FGF13: variants seen among roughly 807,000 people sequenced by gnomAD.
FGF13 encodes the protein fibroblast growth factor 13, also known as fibroblast growth factor homologous factor 2.
In FGF13, 2 loss-of-function variants were observed where a neutral mutation model predicts 19.5. The ratio of observed to expected loss-of-function variants is 0.10; its 90% CI spans 0.04 to 0.32. The LOEUF (loss-of-function observed/expected upper bound fraction) is 0.32. FGF13 is among the 10% of genes least tolerant of loss of function. The pLI is 1.00. For missense variants in FGF13, 113 were observed against 192.7 expected (o/e 0.59, Z 2.45); for synonymous variants, 72 against 76.9 (o/e 0.94, Z 0.33).
intron 3 of FGF13, among the ~76,000 whole-genome samples, chrX:138,657,159 G>T (rs2267627): frequency 1.9e-5 from 2 of 107,949 alleles, no homozygotes; most frequent in Middle Eastern, 4.7e-3. Flanking sequence ...ATCAATTTTA[G>T]AAAAAAAAAG....
chrX:139,085,006 G>A (rs978289036), intron 1 of FGF13, among the ~76,000 whole-genome samples: 1 of 111,406 alleles, frequency 9.0e-6, no homozygotes, highest in Non-Finnish European at 1.9e-5. Context: ...CTTTGGGAAA[G>A]GATCCAGCAT....
intron 1 of FGF13, among the ~76,000 whole-genome samples, chrX:138,722,366 A>T (rs1227586562): frequency 9.0e-6 from 1 of 111,693 alleles, no homozygotes; most frequent in Non-Finnish European, 1.9e-5. Flanking sequence ...ATTGAATCCA[A>T]ACTTGAATTA....
intron 3 of FGF13, among the ~76,000 whole-genome samples, chrX:138,642,284 C>T (rs1227950397): frequency 1.8e-5 from 2 of 111,089 alleles, no homozygotes; most frequent in Non-Finnish European, 3.8e-5. Flanking sequence ...AAAAGCAAAA[C>T]AATACTTAAG....
intron 3 of FGF13, among the ~76,000 whole-genome samples, chrX:138,756,433 C>A (rs1398641971): frequency 1.8e-5 from 2 of 112,429 alleles, no homozygotes; most frequent in African/African-American, 6.5e-5. Context: ...TGTGTGCTGG[C>A]TATTAGCAGG....
At chrX:139,152,051 A>T (rs974871826) in intron 1 of FGF13, among the ~76,000 whole-genome samples, 3 of 111,510 alleles carry the variant, frequency 2.7e-5, no homozygotes, top group Non-Finnish European at 1.9e-5. Flanking sequence ...AAGATAAGCT[A>T]ATCTCCATTG....
intron 1 of FGF13, among the ~76,000 whole-genome samples, chrX:138,912,881 A>G (rs1003126197): frequency 9.0e-6 from 1 of 111,450 alleles, no homozygotes; most frequent in African/African-American, 3.3e-5. Flanking sequence ...CCCTTTAAAG[A>G]GTCCTGAACA....
rs981775270 is a variant in FGF13 at position 138,630,118 on chromosome X, T to TATTA, written c.*2728_*2731dup. 3.6e-5 allele frequency: 4 copies of TATTA among 110,691 alleles called. No individual in the cohort carries two copies. In the East Asian group the frequency reaches 8.6e-4, roughly 24 times the overall value. The allele number at this position is 110,691 out of a possible 1,213,427, so 9.1% of individuals were successfully genotyped here. ...AAGGTTTGAGGACTATTTATTTACT[T>TATTA]ATTAATTTATTTTAACACCACTGTC... On this transcript the variant is annotated 3_prime_UTR_variant, in exon 5 of 5. Coordinates refer to ENST00000315930, the MANE Select transcript of FGF13 (RefSeq NM_004114.5).
At chrX:138,774,274 G>A (rs2090570275) in intron 3 of FGF13, among the ~76,000 whole-genome samples, 1 of 112,052 alleles carries the variant, frequency 8.9e-6, no homozygotes, top group Non-Finnish European at 1.9e-5. Flanking sequence ...TAGAGGTGAT[G>A]ATGGTAATGA....
chrX:139,130,230 C>T (rs1017553853), intron 1 of FGF13, among the ~76,000 whole-genome samples: 1 of 111,800 alleles, frequency 8.9e-6, no homozygotes, highest in Non-Finnish European at 1.9e-5. Context: ...GGGAATATTG[C>T]ATCTTTCTTA....
At chrX:138,976,997 A>C (rs927785172) in intron 1 of FGF13, among the ~76,000 whole-genome samples, 10 of 112,184 alleles carry the variant, frequency 8.9e-5, no homozygotes, top group African/African-American at 3.2e-4. Context: ...CTCTGTTAGA[A>C]TAGCAAATGT....
intron 3 of FGF13, among the ~76,000 whole-genome samples, chrX:138,839,834 G>C (rs1233513635): frequency 8.9e-6 from 1 of 111,951 alleles, no homozygotes; most frequent in Non-Finnish European, 1.9e-5. Flanking sequence ...AAAACTTATA[G>C]TTCAAAATTC....
chrX:139,005,207 C>A lies in FGF13; in HGVS notation c.-112-140557G>T, dbSNP rs944083964. Among the ~76,000 whole-genome samples, 86 of 75,988 alleles carry A rather than the reference C, an allele frequency of 1.1e-3. 3 individuals carry two copies. The highest frequency in any genetic ancestry group is 2.3e-3 in the Non-Finnish European group (75 of 33,171). 66.0% of individuals were successfully genotyped at this position (75,988 alleles called of 115,157 possible). A position where few individuals can be genotyped will look rare whatever the true frequency, so the allele number is the denominator to read the frequency against. On this transcript the variant is annotated intron_variant, in intron 1 of 2. Coordinates refer to the FGF13 transcript ENST00000421460. ...CTTGTGTCACTGCCCCCCCCCCCCCCCCAGCTCCAGGTGGTACAGAACAGA... is the reference window on the plus strand; with the variant it reads ...CTTGTGTCACTGCCCCCCCCCCCCCACCAGCTCCAGGTGGTACAGAACAGA...
At chrX:138,732,613 A>T (rs189798095) in intron 1 of FGF13, among the ~76,000 whole-genome samples, 38 of 111,768 alleles carry the variant, frequency 3.4e-4, no homozygotes, top group Admixed American at 7.6e-4. Flanking sequence ...AGGAAAAGGC[A>T]TGTGGAACCT....
chrX:138,866,342 C>T (rs960603522), intron 1 of FGF13, among the ~76,000 whole-genome samples: 9 of 112,320 alleles, frequency 8.0e-5, no homozygotes, highest in African/African-American at 2.9e-4. Flanking sequence ...AAAACATAAA[C>T]GTATGCACAA....
In FGF13 at chrX:138,843,547, T is replaced by A. The variant is rs185692833; in HGVS notation, c.217+13965A>T. 5.4e-5 allele frequency among the ~76,000 whole-genome samples: 6 copies of A among 112,037 alleles called. No individual in the cohort carries two copies. In the East Asian group the frequency reaches 1.7e-3, roughly 32 times the overall value. On this transcript the variant is annotated intron_variant, in intron 3 of 6. Transcript: ENST00000436198. Reference sequence around the variant, plus strand: ...TTTATTTCAATAGATGTTTTGGGAATGCAGTATTTTCTGTCATGACATTCT... The same window carrying A: ...TTTATTTCAATAGATGTTTTGGGAAAGCAGTATTTTCTGTCATGACATTCT...
intron 3 of FGF13, among the ~76,000 whole-genome samples, chrX:138,678,906 A>G (rs1296499133): frequency 1.8e-5 from 2 of 112,092 alleles, no homozygotes; most frequent in African/African-American, 6.5e-5. Flanking sequence ...AGATTCTACA[A>G]CTACATGAGC....
intron 3 of FGF13, among the ~76,000 whole-genome samples, chrX:138,805,113 T>A (rs773414494): frequency 2.9e-4 from 32 of 112,150 alleles, no homozygotes; most frequent in Admixed American, 2.7e-3. Flanking sequence ...GACCTGGGTT[T>A]ATCCATGTTT....
chrX:138,913,234 T>G (rs2091598617), intron 1 of FGF13, among the ~76,000 whole-genome samples: 1 of 98,256 alleles, frequency 1.0e-5, no homozygotes, highest in Non-Finnish European at 2.0e-5. Context: ...TCTGTTGATC[T>G]TGGCTCACTG....
chrX:139,198,417 A>G (rs1386169022), intron 1 of FGF13, among the ~76,000 whole-genome samples: 1 of 111,626 alleles, frequency 9.0e-6, no homozygotes, highest in African/African-American at 3.3e-5. Context: ...CAAGCAAGCA[A>G]CTTAGCTCTG....
Sources: gnomAD v4.1 joint callset for allele counts (sites outside exome capture counted in the v4.1 genomes callset) on GRCh38, gnomAD v4.1.1 for gene constraint, MANE v1.5 for transcripts, NCBI Gene and HGNC (gene_info 2026-07-23, HGNC 2026-07-21) for gene names.